Variants in KCNK2 observed in about 807,000 individuals in gnomAD.
KCNK2 encodes potassium two pore domain channel subfamily K member 2.
Under a neutral mutation model 40.5 loss-of-function variants are expected in KCNK2, and 21 were observed. That is an observed-to-expected ratio of 0.52 (90% CI 0.37 to 0.75). The LOEUF (loss-of-function observed/expected upper bound fraction) is 0.75, where lower values mean the gene tolerates loss of function less well. Among genes scored for constraint, KCNK2 ranks in the 30% least tolerant of loss-of-function variants. The pLI, the probability that KCNK2 is intolerant of heterozygous loss-of-function variation, is 0.00. For missense variants in KCNK2, 399 were observed against 531.6 expected, an observed-to-expected ratio of 0.75 and a Z score of 2.45; for synonymous variants, 191 against 202.2, an observed-to-expected ratio of 0.94 and a Z score of 0.47.
intron 2 of KCNK2, among the ~76,000 whole-genome samples, chr1:215,093,765 A>ATATAAAATATATTATATATTATATAT (rs1558087814): frequency 4.7e-5 from 2 of 42,848 alleles, no homozygotes; most frequent in Non-Finnish European, 4.1e-5. Context: ...ATATTATATA[A>ATATAAAATATATTATATATTATATAT]TATAAAATAT....
chr1:215,207,168 C>G (rs1393854667), intron 6 of KCNK2, among the ~76,000 whole-genome samples: 1 of 152,172 alleles, frequency 6.6e-6, no homozygotes, highest in African/African-American at 2.4e-5. Context: ...GGCTGAAGAC[C>G]AGTACTGGTC....
chr1:215,007,037 A>ATGTGTGTGTG lies in KCNK2; in HGVS notation c.34+1086_34+1095dup, dbSNP rs1214318973. On this transcript the variant is annotated intron_variant, in intron 1 of 6. Coordinates refer to the KCNK2 transcript ENST00000391895. ...TATATATATATATATATATATATAT[A>ATGTGTGTGTG]TGTGTGTGTGTGTATATATATATGT... 1.7e-3 allele frequency among the ~76,000 whole-genome samples: 87 copies of ATGTGTGTGTG among 51,532 alleles called. No individual in the cohort carries two copies. The East Asian group carries it at 0.024, about 14-fold the overall frequency. 33.8% of individuals were successfully genotyped at this position (51,532 alleles called of 152,430 possible).
intron 5 of KCNK2, among the ~76,000 whole-genome samples, chr1:215,191,390 A>G (rs1371877376): frequency 6.6e-6 from 1 of 152,048 alleles, no homozygotes; most frequent in African/African-American, 2.4e-5. Context: ...GGCTTTCTTA[A>G]TGCTGGGTAG....
At chr1:215,234,753 G>T in intron 6 of KCNK2, 75 bp from the exon 7 acceptor site, 1 of 1,347,522 alleles carries the variant, frequency 7.4e-7, no homozygotes, top group East Asian at 2.3e-5. Flanking sequence ...AAAATAAAAT[G>T]AACTGAAGAT....
chr1:215,043,222 T>C (rs1272146028), intron 1 of KCNK2, among the ~76,000 whole-genome samples: 4 of 152,206 alleles, frequency 2.6e-5, no homozygotes, highest in Admixed American at 2.6e-4. Flanking sequence ...ATATAGCTGC[T>C]GTGAAAAACA....
rs532625454 is a variant in KCNK2 at position 215,094,330 on chromosome 1, G to A, written c.357+7652G>A. Among the ~76,000 whole-genome samples, 373 of 151,974 alleles carry A rather than the reference G, an allele frequency of 2.5e-3. 2 individuals carry two copies. The highest frequency in any genetic ancestry group is 8.5e-3 in the African/African-American group (351 of 41,484). On this transcript the variant is annotated intron_variant, in intron 2 of 6. Coordinates refer to ENST00000444842, the MANE Select transcript of KCNK2 (RefSeq NM_001017425.3). Reference sequence around the variant, plus strand: ...TTTCTGTCCTTTCGGTTAATCTCTGGAAAAAAGCACTTTAAAGCAGTGTCA... The same window carrying A: ...TTTCTGTCCTTTCGGTTAATCTCTGAAAAAAAGCACTTTAAAGCAGTGTCA...
At chr1:215,081,165 ATG>A (rs34229936), upstream of KCNK2, among the ~76,000 whole-genome samples, 5,850 of 149,288 alleles carry the variant, frequency 0.039, 204 homozygotes, top group African/African-American at 0.093. Flanking sequence ...GTACACGCAA[ATG>A]TGTGTGTGTG....
intron 3 of KCNK2, among the ~76,000 whole-genome samples, chr1:215,160,088 A>G (rs1157614467): frequency 1.3e-5 from 2 of 152,248 alleles, no homozygotes; most frequent in Non-Finnish European, 2.9e-5. Flanking sequence ...AGTTAAATAC[A>G]ATGTATAATC....
At chr1:215,179,261 C>A (rs1664124784) in intron 5 of KCNK2, among the ~76,000 whole-genome samples, 1 of 151,902 alleles carries the variant, frequency 6.6e-6, no homozygotes. Context: ...CTTTGTTAAT[C>A]TAGCTGTCTA....
intron 1 of KCNK2, among the ~76,000 whole-genome samples, chr1:215,018,442 G>T (rs1656668068): frequency 6.6e-6 from 1 of 152,038 alleles, no homozygotes; most frequent in Non-Finnish European, 1.5e-5. Context: ...ACTATTAATG[G>T]GACAATTTGA....
intron 3 of KCNK2, among the ~76,000 whole-genome samples, chr1:215,148,080 CTT>C (rs756218432): frequency 3.5e-4 from 39 of 111,144 alleles, no homozygotes; most frequent in African/African-American, 1.2e-3. Context: ...TTTTCTTTTC[CTT>C]TTTTTTTTTT....
chr1:215,177,565 CT>C (rs2102644605), intron 5 of KCNK2, among the ~76,000 whole-genome samples: 2 of 151,618 alleles, frequency 1.3e-5, no homozygotes, highest in African/African-American at 4.8e-5. Flanking sequence ...TTTCATCCTT[CT>C]TTATATGCTA....
chr1:215,049,346 A>G (rs1657899084), intron 1 of KCNK2, among the ~76,000 whole-genome samples: 3 of 152,072 alleles, frequency 2.0e-5, no homozygotes, highest in South Asian at 2.1e-4. Flanking sequence ...TTCTATCAAG[A>G]TTTTGTTTAC....
At chr1:215,041,853 A>T (rs1400394706) in intron 1 of KCNK2, among the ~76,000 whole-genome samples, 1 of 152,194 alleles carries the variant, frequency 6.6e-6, no homozygotes, top group Non-Finnish European at 1.5e-5. Flanking sequence ...TACTGCTATG[A>T]AGAAATACCA....
intron 1 of KCNK2, among the ~76,000 whole-genome samples, chr1:215,051,259 AT>A (rs1476474204): frequency 1.3e-5 from 2 of 152,110 alleles, no homozygotes; most frequent in Admixed American, 1.3e-4. Context: ...TAATAATTTT[AT>A]GTGGAAGATG....
rs1666829856 is a variant in KCNK2, at chr1:215,235,143, T to TAGCC, written c.1280_*2dup. 3.8e-6 allele frequency: 6 copies of TAGCC among 1,592,270 alleles called. No homozygotes were observed. Among genetic ancestry groups the TAGCC allele is most frequent in the Non-Finnish European group, 5.2e-6 (6 of 1,162,938 alleles). Reference sequence around the variant, plus strand: ...GATTGCTGTGATTGAGAACATCAAATAGCCCTCTCTTTAAATAACCTTAGG... The same window carrying TAGCC: ...GATTGCTGTGATTGAGAACATCAAATAGCCAGCCCTCTCTTTAAATAACCTTAGG... On this transcript the variant is annotated frameshift_variant and stop_retained_variant, in exon 7 of 7. Transcript: ENST00000444842. LOFTEE classifies it high-confidence loss of function.
intron 1 of KCNK2, among the ~76,000 whole-genome samples, chr1:215,052,335 A>G (rs1429470158): frequency 6.6e-6 from 1 of 152,210 alleles, no homozygotes; most frequent in Non-Finnish European, 1.5e-5. Flanking sequence ...TAAAAATATC[A>G]CACTGCCTAT....
chr1:215,066,976 A>C (rs1356457803), intron 1 of KCNK2, among the ~76,000 whole-genome samples: 1 of 152,226 alleles, frequency 6.6e-6, no homozygotes. Flanking sequence ...TCACATACAT[A>C]CATCAGAAAA....
intron 6 of KCNK2, among the ~76,000 whole-genome samples, chr1:215,225,866 C>A (rs1464620631): frequency 2.0e-5 from 3 of 152,092 alleles, no homozygotes; most frequent in Non-Finnish European, 4.4e-5. Context: ...GAACAATGGT[C>A]CTTACCTTCA....
Sources: gnomAD v4.1 joint callset for allele counts (sites outside exome capture counted in the v4.1 genomes callset) on GRCh38, gnomAD v4.1.1 for gene constraint, MANE v1.5 for transcripts, NCBI Gene and HGNC (gene_info 2026-07-23, HGNC 2026-07-21) for gene names.